Variants in FAT1 observed in about 807,000 individuals in gnomAD.
FAT1 encodes the protein FAT atypical cadherin 1.
A neutral mutation model predicts 329.8 loss-of-function variants in FAT1; 171 were observed. The observed-to-expected ratio is 0.52, with a 90% CI of 0.46 to 0.59. The LOEUF (loss-of-function observed/expected upper bound fraction) is 0.59. Ranked by LOEUF, FAT1 falls within the 20% of genes least tolerant of loss-of-function variation. FAT1 has a pLI of 0.00. For missense variants in FAT1, 5,672 were observed against 5,774.4 expected, an observed-to-expected ratio of 0.98 and a Z score of 0.57; for synonymous variants, 2,233 against 2,228.6, an observed-to-expected ratio of 1.00 and a Z score of -0.06.
At chr4:186,639,830 T>C (rs1363398582) in intron 3 of FAT1, 47 bp from the exon 4 acceptor site, 1 of 1,440,904 alleles carries the variant, frequency 6.9e-7, no homozygotes, top group Non-Finnish European at 9.7e-7. Context: ...TAAGGTCAAT[T>C]ACAAAATACT....
At chr4:186,670,257 T>C (rs148273216) in intron 2 of FAT1, among the ~76,000 whole-genome samples, 1 of 152,330 alleles carries the variant, frequency 6.6e-6, no homozygotes, top group Non-Finnish European at 1.5e-5. Flanking sequence ...TTCTGATATG[T>C]CACATACTTA....
Position 186,603,694 on chromosome 4 carries a change from A to G in FAT1, c.10832T>C (p.Leu3611Pro), listed in dbSNP as rs1233534539. Residue 3611 changes from leucine to proline, a missense_variant, in exon 19 of 27, where the codon CTT becomes CCT. Physicochemically the swap from Leu to Pro is moderately conservative, Grantham distance 98. Transcript: ENST00000441802. ...CCCATCTGTTACGCTGACATTGAGA[A>G]GGTATTGCCCTATGTCTAGCTTTTT... is the stretch of plus-strand genomic sequence containing the variant. ...AHKKLDIGQY[L>P]LNVSVTDGKF... 1 of 1,613,990 alleles carries G rather than the reference A, an allele frequency of 6.2e-7. No homozygotes were observed. Among genetic ancestry groups the G allele is most frequent in the African/African-American group, 1.3e-5 (1 of 75,040 alleles).
intron 22 of FAT1, 78 bp from the exon 23 acceptor site, chr4:186,598,203 T>C: frequency 7.6e-7 from 1 of 1,323,034 alleles, no homozygotes. Flanking sequence ...TTGCTTTTTA[T>C]CTTTATTCTC....
At chr4:186,595,448 T>G (rs993672534) in intron 26 of FAT1, among the ~76,000 whole-genome samples, 11 of 152,150 alleles carry the variant, frequency 7.2e-5, no homozygotes, top group Non-Finnish European at 1.6e-4. Context: ...GTCGATCAGA[T>G]CCTTCAATGA....
rs767839854 is a variant in FAT1, at chr4:186,707,107, C to A, written c.2721G>T (p.Leu907=). 6.2e-7 allele frequency: 1 copy of A among 1,613,994 alleles called. No homozygotes were observed. The highest frequency in any genetic ancestry group is 1.1e-5 in the South Asian group (1 of 91,084). The change falls in exon 2 of 27, where the codon CTG becomes CTT. Residue 907 remains leucine (L), a synonymous_variant. Coordinates refer to ENST00000441802, the MANE Select transcript of FAT1 (RefSeq NM_005245.4). ...ARDQAREEPQ[L]FSTVVVKVSL... is the part of the protein sequence containing the mutation. ...ATACTTTCACAACGACAGTGGAGAA[C>A]AGCTGAGGCTCTTCTCTGGCTTGGT...
At chr4:186,679,798 A>T in intron 2 of FAT1, among the ~76,000 whole-genome samples, 1 of 152,202 alleles carries the variant, frequency 6.6e-6, no homozygotes. Flanking sequence ...TCATTCAGCA[A>T]TTTATGAAAG....
chr4:186,708,977 C>A lies in FAT1; in HGVS notation c.851G>T (p.Gly284Val), dbSNP rs753883089. ...TAAAGATGCTATGTCACCATTGGCA[C>A]CCTGATCGCAGTCATCCACTGTCAC... ...AIVTVDDCDQ[G>V]ANGDIASLSI... The change falls in exon 2 of 27, where the codon GGT becomes GTT. Residue 284 changes from glycine to valine, a missense_variant. Transcript: ENST00000441802. 6.2e-7 allele frequency: 1 copy of A among 1,614,014 alleles called. No homozygotes were observed. Among genetic ancestry groups the A allele is most frequent in the South Asian group, 1.1e-5 (1 of 91,070 alleles).
rs1744825872 is a variant in FAT1 at position 186,709,296 on chromosome 4, T to C, written c.532A>G (p.Ile178Val). Residue 178 changes from isoleucine (I) to valine (V), a missense_variant, in exon 2 of 27, where the codon ATA becomes GTA. Ile to Val is a conservative substitution (Grantham distance 29). Transcript: ENST00000441802. Reference sequence around the variant, plus strand: ...TAGTAAAATTCCCCGTTGGTTCCTATGTCTGCATCCGTGGCGCTGACTCTT... The same window carrying C: ...TAGTAAAATTCCCCGTTGGTTCCTACGTCTGCATCCGTGGCGCTGACTCTT... ...IARVSATDAD[I>V]GTNGEFYYSF... 3 of 1,613,898 alleles carry C rather than the reference T, an allele frequency of 1.9e-6. No homozygotes were observed. Among genetic ancestry groups the C allele is most frequent in the African/African-American group, 1.3e-5 (1 of 74,922 alleles).
chr4:186,636,434 C>T, intron 5 of FAT1, 151 bp downstream of exon 5: 1 of 927,046 alleles, frequency 1.1e-6, no homozygotes, highest in Non-Finnish European at 1.6e-6. Flanking sequence ...CCCTGATTCT[C>T]AAACGTTATC....
intron 26 of FAT1, among the ~76,000 whole-genome samples, chr4:186,591,347 A>G (rs1738230504): frequency 6.6e-6 from 1 of 152,260 alleles, no homozygotes; most frequent in Admixed American, 6.5e-5. Flanking sequence ...GTTCACTTCT[A>G]GAAATTTCAG....
At chr4:186,702,851 C>T (rs1408102955) in intron 2 of FAT1, among the ~76,000 whole-genome samples, 1 of 152,160 alleles carries the variant, frequency 6.6e-6, no homozygotes, top group African/African-American at 2.4e-5. Flanking sequence ...TGCTGAGACG[C>T]ATGGCAGGCA....
intron 2 of FAT1, among the ~76,000 whole-genome samples, chr4:186,675,696 C>A (rs1269876403): frequency 1.3e-5 from 2 of 151,718 alleles, no homozygotes; most frequent in Non-Finnish European, 2.9e-5. Flanking sequence ...GAACCATGAC[C>A]ACACCACTGC....
chr4:186,673,649 T>C (rs534110958), intron 2 of FAT1, among the ~76,000 whole-genome samples: 46 of 152,364 alleles, frequency 3.0e-4, no homozygotes, highest in African/African-American at 8.7e-4. Context: ...TTAATTAAAA[T>C]TGCTGCAATA....
intron 2 of FAT1, among the ~76,000 whole-genome samples, chr4:186,702,736 C>T (rs1744388194): frequency 6.6e-6 from 1 of 152,196 alleles, no homozygotes; most frequent in Non-Finnish European, 1.5e-5. Context: ...CACACACCCA[C>T]AAGAGGGATG....
At chr4:186,637,514 T>C (rs1740889285) in intron 4 of FAT1, among the ~76,000 whole-genome samples, 1 of 152,208 alleles carries the variant, frequency 6.6e-6, no homozygotes, top group Non-Finnish European at 1.5e-5. Flanking sequence ...CATTTAAATT[T>C]AAGACCAACT....
chr4:186,608,146 G>A (rs1182917520), intron 16 of FAT1, among the ~76,000 whole-genome samples: 1 of 152,144 alleles, frequency 6.6e-6, no homozygotes, highest in East Asian at 1.9e-4. Context: ...TTTCTACACG[G>A]AGCCATATCT....
chr4:186,655,394 A>G (rs1579396337), intron 3 of FAT1, among the ~76,000 whole-genome samples: 1 of 152,274 alleles, frequency 6.6e-6, no homozygotes, highest in Middle Eastern at 3.4e-3. Context: ...ATGCACATAT[A>G]TTCCTATAAT....
intron 2 of FAT1, among the ~76,000 whole-genome samples, chr4:186,686,331 A>G (rs1275302025): frequency 2.0e-5 from 3 of 150,136 alleles, no homozygotes; most frequent in Non-Finnish European, 4.4e-5. Context: ...CAGACTCTAT[A>G]TTGCAGTTTT....
chr4:186,721,599 G>A (rs959742350), intron 1 of FAT1, among the ~76,000 whole-genome samples: 38 of 152,232 alleles, frequency 2.5e-4, no homozygotes, highest in African/African-American at 9.2e-4. Context: ...CACTGAGACA[G>A]AATCTAATGC....
Sources: allele counts gnomAD v4.1 joint callset (sites outside exome capture counted in the v4.1 genomes callset), GRCh38; gene constraint gnomAD v4.1.1; transcripts MANE v1.5; gene names NCBI Gene and HGNC (gene_info 2026-07-23, HGNC 2026-07-21).